TMEM245: variants seen among roughly 807,000 people sequenced by gnomAD.
The protein encoded by TMEM245 is protein CG-2.
A neutral mutation model predicts 101.2 loss-of-function variants in TMEM245; 69 were observed. The ratio of observed to expected loss-of-function variants is 0.68; its 90% confidence interval spans 0.56 to 0.83. The LOEUF (loss-of-function observed/expected upper bound fraction) is 0.83. TMEM245 is among the 40% of genes least tolerant of loss of function. TMEM245 has a pLI of 0.00. For synonymous variants in TMEM245, 537 were observed against 449.8 expected, an observed-to-expected ratio of 1.19 and a Z score of -2.45; for missense variants, 1,075 against 1,092.8, an observed-to-expected ratio of 0.98 and a Z score of 0.23.
chr9:109,073,415 C>T lies in TMEM245; in HGVS notation c.1473G>A (p.Met491Ile), dbSNP rs369275130. Residue 491 changes from methionine (M) to isoleucine (I), a missense_variant, in exon 9 of 18, where the codon ATG becomes ATA. Transcript: ENST00000374586. ...TAKVHQESVH[M>I]IEVTSNLINE... ...TAATCAAATTACTTGTGACTTCAAT[C>T]ATGTGTACACTCTCTTGATGTACCT... is the stretch of plus-strand genomic sequence containing the variant. The T allele has an allele frequency of 1.2e-6, 2 of 1,612,006 alleles. No homozygotes were observed. Among genetic ancestry groups the T allele is most frequent in the Non-Finnish European group, 1.7e-6 (2 of 1,179,002 alleles).
chr9:109,022,467 TTATCTATCTATC>T (rs35280235), intron 17 of TMEM245, among the ~76,000 whole-genome samples: 61 of 149,570 alleles, frequency 4.1e-4, no homozygotes, highest in African/African-American at 6.4e-4. Flanking sequence ...TTTATATGCA[TTATCTATCTATC>T]TATCTATCTA....
chr9:109,035,188 G>A (rs1326584365), intron 16 of TMEM245, among the ~76,000 whole-genome samples: 2 of 144,510 alleles, frequency 1.4e-5, no homozygotes, highest in East Asian at 2.1e-4. Flanking sequence ...AAAAGACAGT[G>A]TTTCTTTAAT....
chr9:109,061,095 C>T (rs560159266), intron 10 of TMEM245, among the ~76,000 whole-genome samples: 12 of 152,246 alleles, frequency 7.9e-5, no homozygotes, highest in African/African-American at 2.2e-4. Context: ...GTGGGCAGAT[C>T]GCTTGAACCC....
intron 17 of TMEM245, among the ~76,000 whole-genome samples, chr9:109,022,685 TCA>T (rs1170903567): frequency 6.6e-6 from 1 of 152,174 alleles, no homozygotes; most frequent in Non-Finnish European, 1.5e-5. Context: ...TAGCTATTTT[TCA>T]CAGTCTCACC....
chr9:109,032,696 T>C (rs918268596), intron 17 of TMEM245, among the ~76,000 whole-genome samples: 1 of 151,830 alleles, frequency 6.6e-6, no homozygotes, highest in African/African-American at 2.4e-5. Context: ...GGCCTGGTTG[T>C]CCATTTCTTG....
At chr9:109,065,406 A>G (rs1829138882) in intron 9 of TMEM245, among the ~76,000 whole-genome samples, 1 of 152,114 alleles carries the variant, frequency 6.6e-6, no homozygotes, top group African/African-American at 2.4e-5. Flanking sequence ...ATGGCATGCT[A>G]CAGTTTGAGA....
rs377558846 is a variant in TMEM245 at position 109,062,348 on chromosome 9, T to A, written c.1624-1896A>T. Among the ~76,000 whole-genome samples, 41 of 152,302 alleles carry A rather than the reference T, an allele frequency of 2.7e-4. No homozygotes were observed. The South Asian group carries it at 8.3e-3, about 31-fold the overall frequency. ...CTATGCATTGGTAAACTGACTTCTA[T>A]AATAAGAAATATACCAATTAATGCT... On this transcript the variant is annotated intron_variant, in intron 10 of 17. Coordinates refer to ENST00000374586, the MANE Select transcript of TMEM245 (RefSeq NM_032012.4).
intron 10 of TMEM245, among the ~76,000 whole-genome samples, chr9:109,062,733 G>A (rs1256086914): frequency 6.6e-6 from 1 of 152,204 alleles, no homozygotes; most frequent in African/African-American, 2.4e-5. Context: ...CACTTTGGGA[G>A]GCCATGGTGG....
chr9:109,029,969 A>G (rs965829889), intron 17 of TMEM245, among the ~76,000 whole-genome samples: 3 of 152,254 alleles, frequency 2.0e-5, no homozygotes, highest in African/African-American at 7.2e-5. Context: ...GTAAAGAAAT[A>G]TTAGAATATA....
intron 9 of TMEM245, among the ~76,000 whole-genome samples, chr9:109,065,922 T>C (rs1043074250): frequency 1.3e-5 from 2 of 152,146 alleles, no homozygotes; most frequent in Non-Finnish European, 2.9e-5. Context: ...AGCAACTTTA[T>C]GTGCTGTGTA....
At chr9:109,022,323 T>C (rs929731808) in intron 17 of TMEM245, among the ~76,000 whole-genome samples, 7 of 152,242 alleles carry the variant, frequency 4.6e-5, no homozygotes, top group African/African-American at 1.7e-4. Flanking sequence ...AGAGGGTTTA[T>C]GTGTGACATG....
chr9:109,108,583 A>G lies in TMEM245; in HGVS notation c.580-13T>C. 1 of 1,561,518 alleles carries G rather than the reference A, an allele frequency of 6.4e-7. No homozygotes were observed. The highest frequency in any genetic ancestry group is 1.4e-5 in the African/African-American group (1 of 72,864). Reference sequence around the variant, plus strand: ...CCAACGTCCAGATCTTAAATAAATGAAAGACACAGCTGTAAAATCTATACA... The same window carrying G: ...CCAACGTCCAGATCTTAAATAAATGGAAGACACAGCTGTAAAATCTATACA... On this transcript the variant is annotated splice_polypyrimidine_tract_variant and intron_variant, in intron 1 of 17. Coordinates refer to ENST00000374586, the MANE Select transcript of TMEM245 (RefSeq NM_032012.4).
At chr9:109,094,939 C>A (rs867757786) in intron 3 of TMEM245, among the ~76,000 whole-genome samples, 1 of 152,084 alleles carries the variant, frequency 6.6e-6, no homozygotes, top group Non-Finnish European at 1.5e-5. Context: ...CTCCACATAC[C>A]CAAATATCCA....
intron 10 of TMEM245, among the ~76,000 whole-genome samples, chr9:109,061,860 C>T (rs1246755980): frequency 6.6e-5 from 10 of 152,226 alleles, no homozygotes; most frequent in South Asian, 6.2e-4. Flanking sequence ...TGAGCCACCA[C>T]GCCCACCCAT....
intron 1 of TMEM245, among the ~76,000 whole-genome samples, chr9:109,108,919 T>A (rs1376954854): frequency 2.0e-5 from 3 of 152,162 alleles, no homozygotes; most frequent in African/African-American, 7.2e-5. Context: ...TACAGTTTTC[T>A]CTGTTGATCA....
intron 5 of TMEM245, among the ~76,000 whole-genome samples, chr9:109,088,316 C>T (rs762850781): frequency 6.6e-6 from 1 of 152,158 alleles, no homozygotes; most frequent in Admixed American, 6.5e-5. Context: ...CCTATAGTTT[C>T]AGTAAGTCCA....
Position 109,093,509 on chromosome 9 carries a change from T to G in TMEM245, c.882A>C (p.Ser294=), listed in dbSNP as rs1830062073. The G allele has an allele frequency of 1.7e-5, 27 of 1,613,958 alleles. No individual in the cohort carries two copies. The highest frequency in any genetic ancestry group is 2.3e-5 in the Non-Finnish European group (27 of 1,180,002). Residue 294 remains serine (S), a synonymous_variant, in exon 4 of 18, where the codon TCA becomes TCC. Coordinates refer to ENST00000374586, the MANE Select transcript of TMEM245 (RefSeq NM_032012.4). The part of the protein sequence containing the change: ...NLAISITGYE[S]SSEDQPSTQP... Reference sequence around the variant, plus strand: ...GAGTGGAGGGCTGGTCTTCACTGCTTGATTCATACCCTGTGATAGAGATGG... The same window carrying G: ...GAGTGGAGGGCTGGTCTTCACTGCTGGATTCATACCCTGTGATAGAGATGG...
At position 109,064,497 on chromosome 9, in the gene TMEM245, G is replaced by A. The variant is rs986956929; in HGVS notation, c.1603C>T (p.Arg535Ter). 3.1e-6 allele frequency: 5 copies of A among 1,613,486 alleles called. No individual in the cohort carries two copies. Among genetic ancestry groups the A allele is most frequent in the African/African-American group, 1.3e-5 (1 of 74,888 alleles). The change falls in exon 10 of 18, where the codon CGA becomes TGA. Residue 535 changes from arginine (R) to a stop codon, truncating the protein, a stop_gained. Coordinates refer to ENST00000374586, the MANE Select transcript of TMEM245 (RefSeq NM_032012.4). LOFTEE classifies it high-confidence loss of function. ...CTTACCTTGTGAGTTATCCATTCTC[G>A]TCCATACTGATACACGTTGTTAGCC... is the stretch of plus-strand genomic sequence containing the variant. ...SAANNVYQYG[R>*]EWITHKLHKI...
At chr9:109,038,143 A>G (rs1420860018) in intron 14 of TMEM245, 26 bp from the exon 15 acceptor site, 2 of 1,577,306 alleles carry the variant, frequency 1.3e-6, no homozygotes, top group Admixed American at 1.7e-5. Context: ...ATAAAAAGAA[A>G]GAGTAAATAA....
Sources: gnomAD v4.1 joint callset for allele counts (sites outside exome capture counted in the v4.1 genomes callset) on GRCh38, gnomAD v4.1.1 for gene constraint, MANE v1.5 for transcripts, NCBI Gene and HGNC (gene_info 2026-07-23, HGNC 2026-07-21) for gene names.